Variants in SLC30A9 observed in about 807,000 individuals in gnomAD.
SLC30A9 encodes the protein solute carrier family 30 member 9.
In SLC30A9, 58 loss-of-function variants were observed where a neutral mutation model predicts 87.5. The observed-to-expected ratio is 0.66, with a 90% CI of 0.54 to 0.82. The LOEUF (loss-of-function observed/expected upper bound fraction) is 0.82, where lower values mean the gene tolerates loss of function less well. SLC30A9 is among the 40% of genes least tolerant of loss of function. SLC30A9 has a pLI of 0.00. For missense variants in SLC30A9, 557 were observed against 679.1 expected, an observed-to-expected ratio of 0.82 and a Z score of 2.00; for synonymous variants, 234 against 233.0, an observed-to-expected ratio of 1.00 and a Z score of -0.04.
chr4:42,021,677 CTG>C (rs1715953398), intron 4 of SLC30A9, among the ~76,000 whole-genome samples: 1 of 152,024 alleles, frequency 6.6e-6, no homozygotes, highest in African/African-American at 2.4e-5. Flanking sequence ...CAAATAATGA[CTG>C]TAAATTTTTA....
At chr4:42,033,895 ACT>A (rs1716564268) in intron 6 of SLC30A9, among the ~76,000 whole-genome samples, 1 of 151,696 alleles carries the variant, frequency 6.6e-6, no homozygotes, top group African/African-American at 2.4e-5. Flanking sequence ...TTTTTACTTA[ACT>A]CTGTCATGAG....
rs1343861048 is a variant in SLC30A9, at chr4:42,086,531, A to G, written c.*405A>G. 2 of 155,934 alleles carry G rather than the reference A, an allele frequency of 1.3e-5. No homozygotes were observed. Among genetic ancestry groups the G allele is most frequent in the African/African-American group, 4.8e-5 (2 of 41,756 alleles). 9.7% of individuals were successfully genotyped at this position (155,934 alleles called of 1,614,324 possible). A position where few individuals can be genotyped will look rare whatever the true frequency, so the allele number is the denominator to read the frequency against. Reference sequence around the variant, plus strand: ...TTGTTGCCTCTGAAGATTTCACTCCATCAAGATCTGCCAATCTTCAATATT... The same window carrying G: ...TTGTTGCCTCTGAAGATTTCACTCCGTCAAGATCTGCCAATCTTCAATATT... On this transcript the variant is annotated 3_prime_UTR_variant, in exon 18 of 18. Transcript: ENST00000264451.
intron 6 of SLC30A9, 98 bp from the exon 7 acceptor site, chr4:42,035,177 G>A (rs1409463489): frequency 1.7e-6 from 2 of 1,206,190 alleles, no homozygotes; most frequent in South Asian, 2.9e-5. Context: ...TTAGCTAGTA[G>A]CGCATATTTA....
chr4:42,002,419 C>CCTCT (rs143638947), intron 2 of SLC30A9, among the ~76,000 whole-genome samples: 1 of 148,974 alleles, frequency 6.7e-6, no homozygotes, highest in South Asian at 2.1e-4. Flanking sequence ...CCATTGCTGC[C>CCTCT]CTCTCTCTCT....
At chr4:42,018,591 C>A in intron 3 of SLC30A9, 1 of 323,814 alleles carries the variant, frequency 3.1e-6, no homozygotes, top group Non-Finnish European at 5.2e-6. Context: ...GTATAACAAG[C>A]TGTGGTTCCC....
intron 9 of SLC30A9, among the ~76,000 whole-genome samples, chr4:42,051,194 A>G (rs1316871904): frequency 6.6e-6 from 1 of 152,184 alleles, no homozygotes; most frequent in African/African-American, 2.4e-5. Context: ...GAGTAGGGCT[A>G]AATTATTCTT....
chr4:42,026,517 A>G (rs1339483815), intron 6 of SLC30A9, among the ~76,000 whole-genome samples: 1 of 152,228 alleles, frequency 6.6e-6, no homozygotes. Context: ...TTTATTAAGC[A>G]TCGTGAGGTT....
intron 1 of SLC30A9, 24 bp downstream of exon 1, chr4:41,990,784 G>A (rs1438954004): frequency 3.8e-6 from 6 of 1,567,320 alleles, no homozygotes; most frequent in Admixed American, 1.7e-5. Flanking sequence ...GCTGGCCGCT[G>A]GCTCCGTAGA....
chr4:42,080,078 C>T (rs989353317), intron 17 of SLC30A9, among the ~76,000 whole-genome samples: 2 of 152,052 alleles, frequency 1.3e-5, no homozygotes, highest in Non-Finnish European at 2.9e-5. Flanking sequence ...ATTGTTTGGC[C>T]GAAGAACATG....
intron 17 of SLC30A9, among the ~76,000 whole-genome samples, chr4:42,083,675 C>CTT (rs35348075): frequency 0.65 from 99,050 of 151,770 alleles, 36,795 homozygotes; most frequent in East Asian, 0.96. Flanking sequence ...TAATGTCAAA[C>CTT]TTAATGAACA....
intron 2 of SLC30A9, among the ~76,000 whole-genome samples, chr4:42,016,794 G>C (rs1715739670): frequency 8.6e-5 from 1 of 11,594 alleles, no homozygotes; most frequent in South Asian, 0.013. Flanking sequence ...AATATAACAT[G>C]GTCTATCTAT....
chr4:42,089,728 G>C lies in SLC30A9; in HGVS notation c.*3602G>C, dbSNP rs756200717. ...CACTGCTCCGGTGATCTGTTTTTAA[G>C]TGGAGTATCCTGGGGGCCTATAGTA... On this transcript the variant is annotated 3_prime_UTR_variant, in exon 18 of 18. Transcript: ENST00000264451. 6.6e-6 allele frequency: 1 copy of C among 152,232 alleles called. No homozygotes were observed. Among genetic ancestry groups the C allele is most frequent in the Non-Finnish European group, 1.5e-5 (1 of 68,096 alleles). 9.4% of individuals were successfully genotyped at this position (152,232 alleles called of 1,614,324 possible).
intron 1 of SLC30A9, among the ~76,000 whole-genome samples, chr4:41,999,795 A>G (rs1714898629): frequency 6.6e-6 from 1 of 152,196 alleles, no homozygotes; most frequent in African/African-American, 2.4e-5. Flanking sequence ...AAAAAATTGT[A>G]ACATTTGTAA....
At chr4:42,021,758 G>GTT (rs905566058) in intron 4 of SLC30A9, among the ~76,000 whole-genome samples, 1 of 149,480 alleles carries the variant, frequency 6.7e-6, no homozygotes, top group Non-Finnish European at 1.5e-5. Context: ...TTTTTTGTTT[G>GTT]TTTTTTTTTG....
At chr4:42,050,303 C>G (rs1268516870) in intron 9 of SLC30A9, among the ~76,000 whole-genome samples, 1 of 152,068 alleles carries the variant, frequency 6.6e-6, no homozygotes, top group African/African-American at 2.4e-5. Context: ...AATTTTTATA[C>G]TCAATATATA....
At chr4:42,011,555 A>G (rs1715444372) in intron 2 of SLC30A9, among the ~76,000 whole-genome samples, 1 of 152,226 alleles carries the variant, frequency 6.6e-6, no homozygotes, top group African/African-American at 2.4e-5. Flanking sequence ...AACTCTGAGC[A>G]CAAGAATGTG....
chr4:42,052,636 G>A (rs1036952221), intron 9 of SLC30A9, among the ~76,000 whole-genome samples: 6 of 152,292 alleles, frequency 3.9e-5, no homozygotes, highest in Admixed American at 2.0e-4. Context: ...AATTGAGTGA[G>A]GAAATGAAAC....
chr4:42,030,194 G>A (rs1191665789), intron 6 of SLC30A9: 7 of 473,064 alleles, frequency 1.5e-5, no homozygotes, highest in Admixed American at 4.0e-5. Flanking sequence ...TGTTAGTCTT[G>A]AACAAACTGT....
At position 42,036,861 on chromosome 4, in the gene SLC30A9, G is replaced by T. The variant is rs75211070; in HGVS notation, c.669+1528G>T. On this transcript the variant is annotated intron_variant, in intron 7 of 17. Coordinates refer to ENST00000264451, the MANE Select transcript of SLC30A9 (RefSeq NM_006345.4). Reference sequence around the variant, plus strand: ...GCATTTTCACTCTCATGCCTCAAGGGCTATTGCCATTGCCTCTTGTGCTGG... The same window carrying T: ...GCATTTTCACTCTCATGCCTCAAGGTCTATTGCCATTGCCTCTTGTGCTGG... Among the ~76,000 whole-genome samples, 97 of 152,232 alleles carry T rather than the reference G, an allele frequency of 6.4e-4. No homozygotes were observed. In the East Asian group the frequency reaches 0.018, roughly 28 times the overall value.
Sources: allele counts gnomAD v4.1 joint callset (sites outside exome capture counted in the v4.1 genomes callset), GRCh38; gene constraint gnomAD v4.1.1; transcripts MANE v1.5; gene names NCBI Gene and HGNC (gene_info 2026-07-23, HGNC 2026-07-21).